Variants in MAPK10 observed in about 807,000 individuals in gnomAD.
MAPK10 encodes the protein JNK3 alpha protein kinase.
A neutral mutation model predicts 59.3 loss-of-function variants in MAPK10; 25 were observed. The ratio of observed to expected loss-of-function variants is 0.42; its 90% confidence interval spans 0.31 to 0.59. MAPK10 has a LOEUF of 0.59. Ranked by LOEUF, MAPK10 falls within the 20% of genes least tolerant of loss-of-function variation. The pLI, the probability that MAPK10 is intolerant of heterozygous loss-of-function variation, is 0.15. For synonymous variants in MAPK10, 190 were observed against 200.5 expected (o/e 0.95, Z 0.44); for missense variants, 351 against 568.9 (o/e 0.62, Z 3.90).
At chr4:86,038,080 A>C (rs1038013241) in intron 11 of MAPK10, among the ~76,000 whole-genome samples, 11 of 152,238 alleles carry the variant, frequency 7.2e-5, no homozygotes, top group African/African-American at 2.7e-4. Flanking sequence ...GAATCTCTAA[A>C]GAGATAAAAA....
intron 2 of MAPK10, among the ~76,000 whole-genome samples, chr4:86,224,685 A>G (rs1214728842): frequency 1.3e-5 from 2 of 152,224 alleles, no homozygotes; most frequent in Non-Finnish European, 2.9e-5. Context: ...ATTCACAAGC[A>G]TATGTATACC....
intron 1 of MAPK10, among the ~76,000 whole-genome samples, chr4:86,570,365 CACTA>C (rs1761363483): frequency 6.6e-6 from 1 of 152,092 alleles, no homozygotes; most frequent in South Asian, 2.1e-4. Context: ...TGACAGGGAA[CACTA>C]ACTTTGAACC....
intron 4 of MAPK10, among the ~76,000 whole-genome samples, chr4:86,128,930 C>A (rs1458930568): frequency 6.6e-6 from 1 of 151,914 alleles, no homozygotes; most frequent in Middle Eastern, 3.2e-3. Context: ...TCCACTAAGA[C>A]GGCAGTATAA....
intron 1 of MAPK10, among the ~76,000 whole-genome samples, chr4:86,448,403 T>G (rs1014687398): frequency 1.3e-3 from 82 of 64,536 alleles, no homozygotes; most frequent in Non-Finnish European, 1.5e-3. Context: ...AATTCTGGGT[T>G]TTTTTTTTTA....
chr4:86,277,138 T>A (rs1325692570), intron 2 of MAPK10: 1 of 134,310 alleles, frequency 7.4e-6, no homozygotes, highest in Non-Finnish European at 1.6e-5. Flanking sequence ...TGTGACCATC[T>A]TTTTTTTTTT....
chr4:86,360,147 C>A, upstream of MAPK10: 1 of 985,744 alleles, frequency 1.0e-6, no homozygotes, highest in Non-Finnish European at 1.2e-6. Context: ...CCAGAGAGGT[C>A]TAGGGAGGGG....
intron 2 of MAPK10, among the ~76,000 whole-genome samples, chr4:86,347,331 T>C (rs949590832): frequency 2.6e-5 from 4 of 152,162 alleles, no homozygotes; most frequent in Admixed American, 1.3e-4. Context: ...GAATTCTTTA[T>C]GAAGAACCTA....
chr4:86,463,350 T>A (rs1393408073), intron 1 of MAPK10, among the ~76,000 whole-genome samples: 1 of 152,242 alleles, frequency 6.6e-6, no homozygotes, highest in Admixed American at 6.5e-5. Context: ...CTAAGTGTTA[T>A]CATTGGAAAG....
intron 2 of MAPK10, among the ~76,000 whole-genome samples, chr4:86,208,740 G>A (rs943803865): frequency 2.0e-5 from 3 of 151,840 alleles, no homozygotes; most frequent in African/African-American, 7.3e-5. Context: ...TTCTGGCCAG[G>A]GCAATTAGGC....
chr4:86,544,565 C>A (rs892131539), intron 1 of MAPK10, among the ~76,000 whole-genome samples: 1 of 152,184 alleles, frequency 6.6e-6, no homozygotes, highest in Non-Finnish European at 1.5e-5. Flanking sequence ...ACAAACTCCA[C>A]TTTCAAATCT....
chr4:86,514,220 T>C (rs559469856), intron 1 of MAPK10, among the ~76,000 whole-genome samples: 4 of 152,122 alleles, frequency 2.6e-5, no homozygotes, highest in Non-Finnish European at 5.9e-5. Flanking sequence ...CAAAAGGCTC[T>C]GAAAAAAACC....
chr4:86,089,265 G>T, intron 9 of MAPK10: 1 of 1,611,506 alleles, frequency 6.2e-7, no homozygotes, highest in Non-Finnish European at 8.5e-7. Flanking sequence ...GCACCCTACT[G>T]ACCACATGTC....
At chr4:86,110,219 CTTTAG>C (rs1173525608) in intron 4 of MAPK10, among the ~76,000 whole-genome samples, 1 of 152,100 alleles carries the variant, frequency 6.6e-6, no homozygotes, top group Non-Finnish European at 1.5e-5. Context: ...TCCAGAAGCT[CTTTAG>C]TTTAATTAGA....
intron 1 of MAPK10, among the ~76,000 whole-genome samples, chr4:86,428,265 T>C (rs1429320481): frequency 1.3e-5 from 2 of 152,058 alleles, no homozygotes; most frequent in African/African-American, 4.8e-5. Flanking sequence ...CACCTAAGCT[T>C]CTCCAGTAGC....
In MAPK10 at chr4:86,372,564, G is replaced by GAAAGAAAGAAAGAAAAAGAAAAGAAAAGA; in HGVS notation, c.-121-17921_-121-17920insTCTTTTCTTTTCTTTTTCTTTCTTTCTTT. 3.2e-3 allele frequency among the ~76,000 whole-genome samples: 255 copies of GAAAGAAAGAAAGAAAAAGAAAAGAAAAGA among 78,714 alleles called. 4 individuals carry two copies. Among genetic ancestry groups the GAAAGAAAGAAAGAAAAAGAAAAGAAAAGA allele is most frequent in the Middle Eastern group, 5.9e-3 (1 of 170 alleles). 51.6% of individuals were successfully genotyped at this position (78,714 alleles called of 152,430 possible). On this transcript the variant is annotated intron_variant, in intron 1 of 13. Coordinates refer to the MAPK10 transcript ENST00000361569. ...AGAAAGAAAGAAAGAAAGAAAGAAA[G>GAAAGAAAGAAAGAAAAAGAAAAGAAAAGA]AAAGAAAAGAAAAGAAAAGAAAAGA...
chr4:86,420,449 C>A (rs1746368024), intron 1 of MAPK10, among the ~76,000 whole-genome samples: 1 of 152,102 alleles, frequency 6.6e-6, no homozygotes, highest in Non-Finnish European at 1.5e-5. Flanking sequence ...ATAACGGTAA[C>A]CCAATGGACT....
intron 1 of MAPK10, among the ~76,000 whole-genome samples, chr4:86,494,842 CAAAAAAAAAAAAAAAAAA>C (rs567947232): frequency 7.5e-4 from 18 of 23,986 alleles, no homozygotes; most frequent in African/African-American, 3.3e-3. Context: ...GACTCCGTCT[CAAAAAAAAAAAAAAAAAA>C]AAAAAAAAAA....
At position 86,443,283 on chromosome 4, in the gene MAPK10, T is replaced by C. The variant is rs184328038; in HGVS notation, c.-122+9747A>G. On this transcript the variant is annotated intron_variant, in intron 1 of 13. Transcript: ENST00000361569. The stretch of plus-strand genomic sequence containing the variant: ...TGTTTCCAGCTGGGAGAGGTGAAAG[T>C]AACCATTTTGAAATACACCAAAGCA... 1.5e-4 allele frequency among the ~76,000 whole-genome samples: 22 copies of C among 150,938 alleles called. No individual in the cohort carries two copies. The East Asian group carries it at 4.3e-3, about 29-fold the overall frequency.
At chr4:86,102,128 G>C in intron 6 of MAPK10, 96 bp from the exon 7 acceptor site, 1 of 1,079,288 alleles carries the variant, frequency 9.3e-7, no homozygotes, top group South Asian at 1.4e-5. Context: ...TAAGTCTTCT[G>C]AACTTCTTAG....
Sources: allele counts gnomAD v4.1 joint callset (sites outside exome capture counted in the v4.1 genomes callset), GRCh38; gene constraint gnomAD v4.1.1; transcripts MANE v1.5; gene names NCBI Gene and HGNC (gene_info 2026-07-23, HGNC 2026-07-21).